ITFG1: variants seen among roughly 807,000 people sequenced by gnomAD.
The protein encoded by ITFG1 is integrin alpha FG-GAP repeat containing 1.
Under a neutral mutation model 81.8 loss-of-function variants are expected in ITFG1, and 34 were observed. That is an observed-to-expected ratio of 0.42 (90% confidence interval 0.32 to 0.55). ITFG1 has a LOEUF of 0.55. ITFG1 is among the 20% of genes least tolerant of loss of function. The pLI, the probability that ITFG1 is intolerant of heterozygous loss-of-function variation, is 0.17. For synonymous variants in ITFG1, 285 were observed against 270.6 expected, an observed-to-expected ratio of 1.05 and a Z score of -0.52; for missense variants, 672 against 755.4, an observed-to-expected ratio of 0.89 and a Z score of 1.29.
chr16:47,365,529 T>G (rs1468646754), intron 8 of ITFG1: 2 of 349,452 alleles, frequency 5.7e-6, no homozygotes, highest in Non-Finnish European at 1.0e-5. Context: ...AAAGTCTCAG[T>G]AGTTTTCTTG....
chr16:47,264,635 T>TCTGGAGATG (rs781533277), intron 10 of ITFG1, among the ~76,000 whole-genome samples: 17 of 150,610 alleles, frequency 1.1e-4, no homozygotes, highest in Non-Finnish European at 2.2e-4. Flanking sequence ...GTACGAGAAA[T>TCTGGAGATG]TCCAGATGAC....
At chr16:47,322,059 A>T (rs576560921) in intron 8 of ITFG1, among the ~76,000 whole-genome samples, 1 of 152,334 alleles carries the variant, frequency 6.6e-6, no homozygotes, top group South Asian at 2.1e-4. Context: ...GATGTTAAAT[A>T]GCATACAGGT....
intron 5 of ITFG1, among the ~76,000 whole-genome samples, chr16:47,445,247 G>GAAAAAA (rs907756228): frequency 3.2e-5 from 1 of 30,822 alleles, no homozygotes; most frequent in African/African-American, 1.1e-4. Context: ...CTCCGTCTCA[G>GAAAAAA]AAAAAAAAAA....
Position 47,461,001 on chromosome 16 carries a change from C to A in ITFG1, c.45G>T (p.Ser15=). 1 of 1,565,782 alleles carries A rather than the reference C, an allele frequency of 6.4e-7. No individual in the cohort carries two copies. The highest frequency in any genetic ancestry group is 8.6e-7 in the Non-Finnish European group (1 of 1,156,300). The change falls in exon 1 of 18, where the codon TCG becomes TCT. Residue 15 remains serine (S), a synonymous_variant. Transcript: ENST00000320640. ...GTAGTGCAAGCCCTGCGAGGAGCGG[C>A]GAGAAGAGGGCCCAGGAGCTCGGGA... The part of the protein sequence containing the change: ...GRLPSSWALF[S]PLLAGLALLG...
intron 10 of ITFG1, among the ~76,000 whole-genome samples, chr16:47,294,757 T>C (rs1966957904): frequency 6.6e-6 from 1 of 152,190 alleles, no homozygotes; most frequent in African/African-American, 2.4e-5. Flanking sequence ...AAGAGTTTTC[T>C]GGAGAGGTCT....
intron 14 of ITFG1, among the ~76,000 whole-genome samples, chr16:47,208,027 TTAAA>T (rs561198219): frequency 5.3e-4 from 80 of 152,134 alleles, no homozygotes; most frequent in African/African-American, 1.9e-3. Flanking sequence ...TTTGGGGAGG[TTAAA>T]TAATTTGCCC....
intron 8 of ITFG1, among the ~76,000 whole-genome samples, chr16:47,348,219 T>C (rs1967889206): frequency 6.6e-6 from 1 of 152,064 alleles, no homozygotes; most frequent in Admixed American, 6.5e-5. Flanking sequence ...GAGAATAACT[T>C]TGACGAGTTA....
At chr16:47,178,969 T>G in intron 14 of ITFG1, among the ~76,000 whole-genome samples, 1 of 152,016 alleles carries the variant, frequency 6.6e-6, no homozygotes, top group Admixed American at 6.6e-5. Context: ...AACAGACACA[T>G]GAAAAAATGC....
At chr16:47,377,888 T>G (rs1040993345) in intron 6 of ITFG1, among the ~76,000 whole-genome samples, 1 of 152,206 alleles carries the variant, frequency 6.6e-6, no homozygotes, top group African/African-American at 2.4e-5. Flanking sequence ...ATGGACAACA[T>G]GCTATATGTA....
chr16:47,237,176 T>A (rs754285589), intron 13 of ITFG1, among the ~76,000 whole-genome samples: 1 of 152,206 alleles, frequency 6.6e-6, no homozygotes, highest in Non-Finnish European at 1.5e-5. Flanking sequence ...CTACACTTCT[T>A]AAATATGGGA....
At chr16:47,174,567 C>G (rs796596408) in intron 14 of ITFG1, among the ~76,000 whole-genome samples, 3 of 152,248 alleles carry the variant, frequency 2.0e-5, no homozygotes, top group African/African-American at 7.2e-5. Context: ...CTTGCCCAGG[C>G]TGGAGTGCAG....
chr16:47,223,975 A>G (rs558332579), intron 13 of ITFG1, among the ~76,000 whole-genome samples: 1 of 151,094 alleles, frequency 6.6e-6, no homozygotes, highest in South Asian at 2.1e-4. Flanking sequence ...ACAAAAAACC[A>G]AACACCGCAT....
At chr16:47,194,525 A>C (rs1245593270) in intron 14 of ITFG1, among the ~76,000 whole-genome samples, 1 of 152,178 alleles carries the variant, frequency 6.6e-6, no homozygotes, top group Non-Finnish European at 1.5e-5. Flanking sequence ...TGAATAGTGA[A>C]GTCAGTCACT....
intron 12 of ITFG1, chr16:47,238,268 T>A (rs1965897660): frequency 3.9e-6 from 1 of 257,196 alleles, no homozygotes; most frequent in African/African-American, 2.3e-5. Flanking sequence ...TATCATACCA[T>A]ACCTAAAATA....
At chr16:47,385,938 T>C (rs1004328085) in intron 6 of ITFG1, among the ~76,000 whole-genome samples, 2 of 152,182 alleles carry the variant, frequency 1.3e-5, no homozygotes, top group Non-Finnish European at 2.9e-5. Context: ...ATCTATAACA[T>C]GGAAGAATAT....
intron 8 of ITFG1, among the ~76,000 whole-genome samples, chr16:47,317,040 C>G (rs370305231): frequency 6.6e-6 from 1 of 152,178 alleles, no homozygotes; most frequent in Non-Finnish European, 1.5e-5. Flanking sequence ...AGAGAAACTG[C>G]AACAGATGGA....
At chr16:47,260,769 G>T in intron 10 of ITFG1, 74 bp from the exon 11 acceptor site, 2 of 1,447,730 alleles carry the variant, frequency 1.4e-6, no homozygotes, top group Middle Eastern at 1.8e-4. Flanking sequence ...GTATTTCCTA[G>T]ATTAAAAGGA....
At chr16:47,435,580 G>A (rs1969155817) in intron 5 of ITFG1, among the ~76,000 whole-genome samples, 1 of 152,194 alleles carries the variant, frequency 6.6e-6, no homozygotes, top group African/African-American at 2.4e-5. Context: ...GCTTTTGGTT[G>A]CCTGTGGTAA....
intron 1 of ITFG1, 143 bp from the exon 2 acceptor site, chr16:47,459,318 C>T (rs1969491646): frequency 3.3e-6 from 2 of 606,006 alleles, no homozygotes; most frequent in South Asian, 2.0e-5. Context: ...AAGCATAGTC[C>T]CACTAGTCCA....
Sources: allele counts gnomAD v4.1 joint callset (sites outside exome capture counted in the v4.1 genomes callset), GRCh38; gene constraint gnomAD v4.1.1; transcripts MANE v1.5; gene names NCBI Gene and HGNC (gene_info 2026-07-23, HGNC 2026-07-21).